ZRANB1: variants seen among roughly 807,000 people sequenced by gnomAD.
ZRANB1 encodes the protein ubiquitin thioesterase ZRANB1.
Under a neutral mutation model 80.5 loss-of-function variants are expected in ZRANB1, and 16 were observed. The observed-to-expected ratio is 0.20, with a 90% CI of 0.13 to 0.30. The LOEUF (loss-of-function observed/expected upper bound fraction) is 0.30, where lower values mean the gene tolerates loss of function less well. Ranked by LOEUF, ZRANB1 falls within the 10% of genes least tolerant of loss-of-function variation. The pLI, the probability that ZRANB1 is intolerant of heterozygous loss-of-function variation, is 1.00. For synonymous variants in ZRANB1, 291 were observed against 293.1 expected (o/e 0.99, Z 0.07); for missense variants, 576 against 862.6 (o/e 0.67, Z 4.16).
the ZRANB1 span, among the ~76,000 whole-genome samples, chr10:124,925,896 A>G: frequency 3.9e-5 from 6 of 152,332 alleles, no homozygotes; most frequent in African/African-American, 1.2e-4. Context: ...TGCGAACATC[A>G]TAGAGTCTAC....
At chr10:124,977,711 GAAAAAAA>G (rs752296814) in intron 5 of ZRANB1, among the ~76,000 whole-genome samples, 13 of 48,730 alleles carry the variant, frequency 2.7e-4, no homozygotes, top group African/African-American at 7.3e-4. Flanking sequence ...ACCCTGCTAA[GAAAAAAA>G]AAAAAAAAAA....
At chr10:124,933,968 CTT>C in the ZRANB1 span, among the ~76,000 whole-genome samples, 3 of 152,156 alleles carry the variant, frequency 2.0e-5, no homozygotes, top group Non-Finnish European at 4.4e-5. Context: ...AACTTTTTGT[CTT>C]TAAGATCTTC....
At chr10:124,963,892 A>G (rs1214926814) in intron 1 of ZRANB1, among the ~76,000 whole-genome samples, 2 of 152,206 alleles carry the variant, frequency 1.3e-5, no homozygotes, top group African/African-American at 4.8e-5. Context: ...AACACTAGAT[A>G]ATAAAATAAT....
chr10:124,959,583 C>T (rs1284778045), intron 1 of ZRANB1, among the ~76,000 whole-genome samples: 2 of 152,056 alleles, frequency 1.3e-5, no homozygotes, highest in African/African-American at 2.4e-5. Context: ...CCTCTCACCT[C>T]AGTCTCCCAA....
Position 124,986,531 on chromosome 10 carries a change from A to AT in ZRANB1, c.*1545dup, listed in dbSNP as rs763416409. On this transcript the variant is annotated 3_prime_UTR_variant, in exon 9 of 9. Coordinates refer to ENST00000359653, the MANE Select transcript of ZRANB1 (RefSeq NM_017580.3). ...AAGGTGTTCCCAGGATGAAAAGATC[A>AT]TTTTTTGCTGCATGCTAAATCTTGC... 2.0e-5 allele frequency: 3 copies of AT among 152,180 alleles called. No homozygotes were observed. The highest frequency in any genetic ancestry group is 2.1e-4 in the South Asian group (1 of 4,830). 9.4% of individuals were successfully genotyped at this position (152,180 alleles called of 1,614,324 possible).
At chr10:124,943,401 T>C in intron 1 of ZRANB1, 94 bp downstream of exon 1, 1 of 1,234,360 alleles carries the variant, frequency 8.1e-7, no homozygotes, top group Non-Finnish European at 1.1e-6. Context: ...ACGTTTGTGG[T>C]CTTAGCCACT....
At chr10:124,973,757 A>G in intron 4 of ZRANB1, 41 bp downstream of exon 4, 1 of 1,572,236 alleles carries the variant, frequency 6.4e-7, no homozygotes, top group Non-Finnish European at 8.7e-7. Context: ...CTTTCATCTG[A>G]TCAAGTAAGT....
chr10:124,940,461 A>C, upstream of ZRANB1: 1 of 1,268,442 alleles, frequency 7.9e-7, no homozygotes, highest in South Asian at 1.3e-5. Context: ...ATGAAGACGG[A>C]ATCTTGTCTT....
At chr10:124,982,070 A>T (rs61529493) in intron 6 of ZRANB1, among the ~76,000 whole-genome samples, 4,122 of 20,726 alleles carry the variant, frequency 0.2, 175 homozygotes, top group African/African-American at 0.26. Context: ...GAGCAGGAAG[A>T]GTAACGTGTT....
intron 1 of ZRANB1, chr10:124,945,560 C>T (rs886071523): frequency 6.6e-6 from 1 of 152,012 alleles, no homozygotes; most frequent in Non-Finnish European, 1.5e-5. Context: ...GTCACTAAAC[C>T]TCACTAAAGG....
chr10:124,960,117 G>A (rs2060806502), intron 1 of ZRANB1, among the ~76,000 whole-genome samples: 1 of 152,108 alleles, frequency 6.6e-6, no homozygotes, highest in African/African-American at 2.4e-5. Flanking sequence ...TTTGTGGTGA[G>A]GATGCCTGAT....
chr10:124,928,407 C>G, the ZRANB1 span, among the ~76,000 whole-genome samples: 1 of 152,028 alleles, frequency 6.6e-6, no homozygotes, highest in African/African-American at 2.4e-5. Flanking sequence ...TGTGAAGAGC[C>G]ATTACCCACC....
intron 4 of ZRANB1, 123 bp from the exon 5 acceptor site, chr10:124,974,077 T>C (rs942241714): frequency 1.2e-6 from 1 of 841,098 alleles, no homozygotes; most frequent in Non-Finnish European, 1.8e-6. Context: ...CAATTTTATT[T>C]AGGTGTTTAT....
chr10:124,977,059 C>G (rs1371331572), intron 5 of ZRANB1, among the ~76,000 whole-genome samples: 1 of 152,102 alleles, frequency 6.6e-6, no homozygotes, highest in Non-Finnish European at 1.5e-5. Flanking sequence ...CCTTCACTTT[C>G]TTGGGCTCAG....
chr10:124,922,711 G>T, the ZRANB1 span, among the ~76,000 whole-genome samples: 2 of 151,576 alleles, frequency 1.3e-5, no homozygotes, highest in Admixed American at 6.6e-5. Flanking sequence ...GGCCCGGCTG[G>T]TCTCGAACTG....
intron 1 of ZRANB1, among the ~76,000 whole-genome samples, chr10:124,955,913 T>C (rs4962711): frequency 0.63 from 96,118 of 151,958 alleles, 32,401 homozygotes; most frequent in Non-Finnish European, 0.75. Context: ...TGAAAGTACT[T>C]CCTGACACCT....
rs534968121 is a variant in ZRANB1 at position 124,986,955 on chromosome 10, T to C, written c.*1963T>C. 1 of 151,492 alleles carries C rather than the reference T, an allele frequency of 6.6e-6. No homozygotes were observed. The highest frequency in any genetic ancestry group is 1.5e-5 in the Non-Finnish European group (1 of 67,576). The allele number at this position is 151,492 out of a possible 1,614,324, so 9.4% of individuals were successfully genotyped here. A position where few individuals can be genotyped will look rare whatever the true frequency, so the allele number is the denominator to read the frequency against. ...GTGGTCTGGTGAGTGTTGTTTCCCCTGAGCGCTCTATTATTTATTTATTTA... is the reference window on the plus strand; with the variant it reads ...GTGGTCTGGTGAGTGTTGTTTCCCCCGAGCGCTCTATTATTTATTTATTTA... On this transcript the variant is annotated 3_prime_UTR_variant, in exon 9 of 9. Coordinates refer to ENST00000359653, the MANE Select transcript of ZRANB1 (RefSeq NM_017580.3).
Position 124,942,320 on chromosome 10 carries a change from G to A in ZRANB1, c.-174G>A. The A allele has an allele frequency of 7.0e-7, 1 of 1,419,154 alleles. No individual in the cohort carries two copies. The highest frequency in any genetic ancestry group is 9.2e-7 in the Non-Finnish European group (1 of 1,091,474). The allele number at this position is 1,419,154 out of a possible 1,614,324, so 87.9% of individuals were successfully genotyped here. A position where few individuals can be genotyped will look rare whatever the true frequency, so the allele number is the denominator to read the frequency against. On this transcript the variant is annotated 5_prime_UTR_variant, in exon 1 of 9. Coordinates refer to ENST00000359653, the MANE Select transcript of ZRANB1 (RefSeq NM_017580.3). ...TATGGAAATTAAAAAAGAAAATTAG[G>A]ATAATTCAATGTCGAAATGTTGCAT...
At chr10:124,976,069 ATAACT>A (rs1302150141) in intron 5 of ZRANB1, among the ~76,000 whole-genome samples, 4 of 152,238 alleles carry the variant, frequency 2.6e-5, no homozygotes, top group African/African-American at 9.6e-5. Flanking sequence ...GAGAAATAAA[ATAACT>A]TCCTGGATGA....
Sources: gnomAD v4.1 joint callset for allele counts (sites outside exome capture counted in the v4.1 genomes callset) on GRCh38, gnomAD v4.1.1 for gene constraint, MANE v1.5 for transcripts, NCBI Gene and HGNC (gene_info 2026-07-23, HGNC 2026-07-21) for gene names.